Variants in SCG3 observed in about 807,000 individuals in gnomAD.
The protein encoded by SCG3 is secretogranin III.
SCG3 carries 38 observed loss-of-function variants against 56.2 expected under a neutral mutation model. The observed-to-expected ratio is 0.68, with a 90% CI of 0.52 to 0.89. SCG3 has a LOEUF of 0.89. SCG3 is among the 40% of genes least tolerant of loss of function. The pLI is 0.00. For missense variants in SCG3, 524 were observed against 540.7 expected (o/e 0.97, Z 0.31); for synonymous variants, 176 against 184.2 (o/e 0.96, Z 0.36).
chr15:51,697,685 A>G (rs1039557188), intron 8 of SCG3, among the ~76,000 whole-genome samples: 1 of 152,210 alleles, frequency 6.6e-6, no homozygotes, highest in Non-Finnish European at 1.5e-5. Flanking sequence ...TATTTTTATG[A>G]TAGACTATTT....
At position 51,704,794 on chromosome 15, in the gene SCG3, T is replaced by TAC. The variant is rs1555458006; in HGVS notation, c.1207+3552_1207+3553dup. Among the ~76,000 whole-genome samples the TAC allele has an allele frequency of 1.5e-4, 21 of 140,466 alleles. 1 individual carries two copies. The highest frequency in any genetic ancestry group is 8.9e-4 in the South Asian group (4 of 4,482). 92.2% of individuals were successfully genotyped at this position (140,466 alleles called of 152,430 possible). On this transcript the variant is annotated intron_variant, in intron 10 of 11. Coordinates refer to ENST00000220478, the MANE Select transcript of SCG3 (RefSeq NM_013243.4). ...ATATATATATATATATATATATATA[T>TAC]ACATCTCTCTTTGAGCTCCTTCTTT...
Position 51,689,998 on chromosome 15 carries a change from C to G in SCG3, c.690+630C>G, listed in dbSNP as rs549863640. ...ACATAATAACATCTGTGTGTACAGT[C>G]CCAGTGAACTGCAAGCAAACATCTC... On this transcript the variant is annotated intron_variant, in intron 6 of 11. Transcript: ENST00000220478. Among the ~76,000 whole-genome samples the G allele has an allele frequency of 7.2e-5, 11 of 152,156 alleles. No homozygotes were observed. The East Asian group carries it at 1.7e-3, about 24-fold the overall frequency.
chr15:51,713,195 A>T (rs1261989540), intron 10 of SCG3, 138 bp from the exon 11 acceptor site: 3 of 603,780 alleles, frequency 5.0e-6, no homozygotes, highest in Non-Finnish European at 8.9e-6. Flanking sequence ...ACAAATATGT[A>T]CATTACCTAG....
intron 4 of SCG3, among the ~76,000 whole-genome samples, chr15:51,685,201 A>C (rs149205421): frequency 1.6e-3 from 251 of 152,318 alleles, no homozygotes; most frequent in Middle Eastern, 3.4e-3. Flanking sequence ...TTTACTTTTT[A>C]AAATCTTGAA....
intron 10 of SCG3, among the ~76,000 whole-genome samples, chr15:51,708,462 C>T (rs1177155907): frequency 6.6e-6 from 1 of 152,186 alleles, no homozygotes; most frequent in Non-Finnish European, 1.5e-5. Flanking sequence ...AATGTTTGGT[C>T]CCCAGTCCCA....
In SCG3 at chr15:51,701,061, T is replaced by C. The variant is rs190293661; in HGVS notation, c.1070-46T>C. ...GATTTCTACTTTAGGAACCAATTAA[T>C]AGATAGGAAACAGGGCTATGACAAC... On this transcript the variant is annotated intron_variant, in intron 9 of 11. Transcript: ENST00000220478. The C allele has an allele frequency of 7.8e-5, 125 of 1,602,298 alleles. No individual in the cohort carries two copies. The African/African-American group carries it at 1.4e-3, about 17-fold the overall frequency.
chr15:51,682,745 G>T (rs1440061122), intron 2 of SCG3, among the ~76,000 whole-genome samples, 176 bp downstream of exon 2: 1 of 152,146 alleles, frequency 6.6e-6, no homozygotes, highest in Non-Finnish European at 1.5e-5. Context: ...TGCCCTAGCA[G>T]TTATTTACAT....
intron 11 of SCG3, among the ~76,000 whole-genome samples, chr15:51,713,660 A>C (rs923062744): frequency 5.9e-5 from 9 of 152,238 alleles, no homozygotes; most frequent in Non-Finnish European, 1.3e-4. Flanking sequence ...AAGCAAACGT[A>C]GAACGAATAG....
intron 10 of SCG3, among the ~76,000 whole-genome samples, chr15:51,702,429 G>GT (rs1567220400): frequency 1.3e-5 from 2 of 151,906 alleles, no homozygotes; most frequent in Non-Finnish European, 2.9e-5. Context: ...CTAATTTTTT[G>GT]TATTTTTCAT....
At chr15:51,693,185 T>C (rs1003576347) in intron 7 of SCG3, 3 of 152,180 alleles carry the variant, frequency 2.0e-5, no homozygotes, top group Non-Finnish European at 2.9e-5. Context: ...CATGTTGTCA[T>C]ACACACACAC....
chr15:51,716,598 C>G (rs1228796391), intron 11 of SCG3, among the ~76,000 whole-genome samples: 1 of 152,148 alleles, frequency 6.6e-6, no homozygotes. Flanking sequence ...TAATGCTTAC[C>G]CATGAGTGTG....
chr15:51,688,414 G>A lies in SCG3; in HGVS notation c.540+12G>A. ...TTAATCTCGGCCTTGTAAGTCATTTGGTAGGAAATAAACCAAATTCCTAGT... is the reference window on the plus strand; with the variant it reads ...TTAATCTCGGCCTTGTAAGTCATTTAGTAGGAAATAAACCAAATTCCTAGT... On this transcript the variant is annotated intron_variant, in intron 5 of 11. Transcript: ENST00000220478. The A allele has an allele frequency of 1.2e-6, 2 of 1,611,232 alleles. No homozygotes were observed. The highest frequency in any genetic ancestry group is 8.5e-7 in the Non-Finnish European group (1 of 1,178,070).
chr15:51,687,826 A>ATTTGGG (rs1435107581), intron 4 of SCG3, among the ~76,000 whole-genome samples: 16 of 152,360 alleles, frequency 1.1e-4, no homozygotes, highest in African/African-American at 3.8e-4. Flanking sequence ...CTGCAAAGGT[A>ATTTGGG]GTACATGTGG....
intron 5 of SCG3, among the ~76,000 whole-genome samples, chr15:51,688,842 TG>T (rs980386924): frequency 1.3e-5 from 2 of 152,236 alleles, no homozygotes; most frequent in African/African-American, 4.8e-5. Context: ...CACCTCAGCT[TG>T]GCTCTTCTGC....
chr15:51,705,581 G>A (rs914777159), intron 10 of SCG3, among the ~76,000 whole-genome samples: 4 of 151,806 alleles, frequency 2.6e-5, no homozygotes, highest in Non-Finnish European at 5.9e-5. Flanking sequence ...GAGTGCAATG[G>A]TGTGATATCT....
chr15:51,699,292 T>C (rs2055324403), intron 8 of SCG3, 27 bp from the exon 9 acceptor site: 1 of 1,533,716 alleles, frequency 6.5e-7, no homozygotes, highest in Non-Finnish European at 8.9e-7. Flanking sequence ...GGGAATAAAA[T>C]TAAATTTCTT....
chr15:51,695,960 A>G lies in SCG3; in HGVS notation c.954A>G (p.Thr318=). The change falls in exon 8 of 12, where the codon ACA becomes ACG. Residue 318 remains threonine (T), a synonymous_variant. Coordinates refer to ENST00000220478, the MANE Select transcript of SCG3 (RefSeq NM_013243.4). ...DFVKMMVKYG[T]ISPEEGVSYL... is the part of the protein sequence containing the mutation. ...TGAAGATGATGGTGAAATATGGAAC[A>G]ATATCTCCAGAAGAAGGTGTTTCCT... 1.2e-6 allele frequency: 2 copies of G among 1,602,062 alleles called. No individual in the cohort carries two copies. The highest frequency in any genetic ancestry group is 1.7e-6 in the Non-Finnish European group (2 of 1,169,216).
chr15:51,692,096 C>G (rs146609109), intron 6 of SCG3, 63 bp from the exon 7 acceptor site: 23,529 of 1,459,936 alleles, frequency 0.016, 278 homozygotes, highest in Non-Finnish European at 0.016. Context: ...AGGAAGGAAT[C>G]AAGCTGGAGT....
intron 5 of SCG3, 39 bp from the exon 6 acceptor site, chr15:51,689,180 G>A (rs763275191): frequency 1.9e-6 from 3 of 1,594,728 alleles, no homozygotes; most frequent in Non-Finnish European, 1.7e-6. Context: ...ACAAGACTGG[G>A]AATATAGCAG....
Sources: gnomAD v4.1 joint callset for allele counts (sites outside exome capture counted in the v4.1 genomes callset) on GRCh38, gnomAD v4.1.1 for gene constraint, MANE v1.5 for transcripts, NCBI Gene and HGNC (gene_info 2026-07-23, HGNC 2026-07-21) for gene names.